The following NALF1 variants were observed in gnomAD, a reference collection of about 807,000 sequenced individuals.
NALF1 encodes NALCN channel auxiliary factor 1.
NALF1 carries 3 observed loss-of-function variants against 48.4 expected under a neutral mutation model. That is an observed-to-expected ratio of 0.06 (90% CI 0.03 to 0.16). NALF1 has a LOEUF of 0.16. Ranked by LOEUF, NALF1 falls within the 10% of genes least tolerant of loss-of-function variation. NALF1 has a pLI of 1.00. For synonymous variants in NALF1, 262 were observed against 245.7 expected (o/e 1.07, Z -0.62); for missense variants, 526 against 571.5 (o/e 0.92, Z 0.81).
At chr13:107,763,243 C>A (rs77738411) in intron 1 of NALF1, among the ~76,000 whole-genome samples, 7,582 of 151,756 alleles carry the variant, frequency 0.05, 291 homozygotes, top group African/African-American at 0.1. Flanking sequence ...AAGTGCTCTT[C>A]AACCTCCTCC....
At chr13:107,517,850 G>A (rs1225215482) in intron 1 of NALF1, among the ~76,000 whole-genome samples, 2 of 151,696 alleles carry the variant, frequency 1.3e-5, no homozygotes, top group Non-Finnish European at 2.9e-5. Flanking sequence ...AGCTACTCAG[G>A]GCTGAGGCGG....
chr13:107,483,868 T>G (rs1435735334), intron 1 of NALF1, among the ~76,000 whole-genome samples: 4 of 151,966 alleles, frequency 2.6e-5, no homozygotes. Flanking sequence ...ATAAATATAA[T>G]AGTTAAAAAA....
At chr13:107,672,782 A>G (rs1881020541) in intron 1 of NALF1, among the ~76,000 whole-genome samples, 1 of 152,146 alleles carries the variant, frequency 6.6e-6, no homozygotes, top group African/African-American at 2.4e-5. Context: ...GTGATTTTAA[A>G]TTATCTGAGG....
At chr13:107,399,472 T>C (rs1009238884) in intron 1 of NALF1, among the ~76,000 whole-genome samples, 5 of 138,896 alleles carry the variant, frequency 3.6e-5, no homozygotes, top group Non-Finnish European at 6.3e-5. Flanking sequence ...ACACACAGCA[T>C]AGAGGGAAGA....
chr13:107,603,830 C>T (rs559689037), intron 1 of NALF1, among the ~76,000 whole-genome samples: 1 of 152,200 alleles, frequency 6.6e-6, no homozygotes, highest in East Asian at 1.9e-4. Flanking sequence ...TTGCTTTTTG[C>T]ACGTTTAGAC....
chr13:107,323,309 T>C (rs1475521579), intron 1 of NALF1, among the ~76,000 whole-genome samples: 1 of 152,192 alleles, frequency 6.6e-6, no homozygotes. Flanking sequence ...CCACTCAGAT[T>C]TGAAGACACT....
At chr13:107,451,667 C>T (rs1884742409) in intron 1 of NALF1, among the ~76,000 whole-genome samples, 1 of 152,152 alleles carries the variant, frequency 6.6e-6, no homozygotes, top group Admixed American at 6.5e-5. Flanking sequence ...ATTTCCCTTT[C>T]CCAGAAAAAC....
chr13:107,229,290 A>G (rs994074494), intron 1 of NALF1, among the ~76,000 whole-genome samples: 2 of 152,106 alleles, frequency 1.3e-5, no homozygotes, highest in African/African-American at 4.8e-5. Flanking sequence ...ATCAATACCA[A>G]TCATGATGAT....
rs921762587 is a variant in NALF1 at position 107,362,916 on chromosome 13, A to G, written c.916-152161T>C. Reference sequence around the variant, plus strand: ...TAGGCTCATGATAAAGGTAGAAACTATCTTCTTATATCCCTTTTCATAGAA... The same window carrying G: ...TAGGCTCATGATAAAGGTAGAAACTGTCTTCTTATATCCCTTTTCATAGAA... On this transcript the variant is annotated intron_variant, in intron 1 of 2. Transcript: ENST00000375915. This position sits in a 1 kb window ranked among gnomAD's most constrained non-coding sequence, Gnocchi z 4.6. Among the ~76,000 whole-genome samples, 2 of 152,146 alleles carry G rather than the reference A, an allele frequency of 1.3e-5. No individual in the cohort carries two copies. The highest frequency in any genetic ancestry group is 4.8e-5 in the African/African-American group (2 of 41,442).
chr13:107,820,938 T>G (rs971327315), intron 1 of NALF1, among the ~76,000 whole-genome samples: 1 of 152,172 alleles, frequency 6.6e-6, no homozygotes, highest in Non-Finnish European at 1.5e-5. Context: ...CTCATATATG[T>G]GGACAAAATG....
At chr13:107,684,364 G>A (rs1234333081) in intron 1 of NALF1, among the ~76,000 whole-genome samples, 1 of 152,156 alleles carries the variant, frequency 6.6e-6, no homozygotes, top group African/African-American at 2.4e-5. Flanking sequence ...TTTGGCATTT[G>A]GCAGCTCCAC....
At chr13:107,726,057 ATC>A (rs2138531537) in intron 1 of NALF1, among the ~76,000 whole-genome samples, 1 of 152,256 alleles carries the variant, frequency 6.6e-6, no homozygotes, top group East Asian at 1.9e-4. Flanking sequence ...ATGTGGCCTC[ATC>A]TCTGTCTCTC....
chr13:107,734,407 A>ACAC (rs144033603), intron 1 of NALF1, among the ~76,000 whole-genome samples: 1,588 of 146,526 alleles, frequency 0.011, 14 homozygotes, highest in Middle Eastern at 0.069. Flanking sequence ...CCTTTAAAAA[A>ACAC]AAACACACAC....
intron 1 of NALF1, among the ~76,000 whole-genome samples, chr13:107,747,199 C>T (rs1365883567): frequency 2.0e-5 from 3 of 152,152 alleles, no homozygotes; most frequent in Admixed American, 6.6e-5. Flanking sequence ...CCATCTTGAG[C>T]CCTGTTTCCT....
chr13:107,575,245 A>G (rs919648205), intron 1 of NALF1, among the ~76,000 whole-genome samples: 4 of 152,146 alleles, frequency 2.6e-5, no homozygotes, highest in African/African-American at 9.7e-5. Flanking sequence ...AGTTCAGGGG[A>G]AAAAAACAGA....
intron 1 of NALF1, among the ~76,000 whole-genome samples, chr13:107,448,322 G>C (rs1884684099): frequency 6.6e-6 from 1 of 152,038 alleles, no homozygotes; most frequent in Non-Finnish European, 1.5e-5. Context: ...GAGATAATTT[G>C]AATTTTTAGC....
rs183868932 is a variant in NALF1, at chr13:107,846,433, C to G, written c.915+19249G>C. Reference sequence around the variant, plus strand: ...GAATGTTCATTAGTCAGGGAAACTTCGTCTATCCTGATTGATAGACCCACC... The same window carrying G: ...GAATGTTCATTAGTCAGGGAAACTTGGTCTATCCTGATTGATAGACCCACC... On this transcript the variant is annotated intron_variant, in intron 1 of 2. Coordinates refer to ENST00000375915, the MANE Select transcript of NALF1 (RefSeq NM_001080396.3). Among the ~76,000 whole-genome samples, 162 of 152,276 alleles carry G rather than the reference C, an allele frequency of 1.1e-3. 1 individual carries two copies. In the Middle Eastern group the frequency reaches 0.017, roughly 16 times the overall value.
intron 1 of NALF1, among the ~76,000 whole-genome samples, chr13:107,708,775 G>A (rs1387436476): frequency 6.6e-6 from 1 of 151,866 alleles, no homozygotes; most frequent in Non-Finnish European, 1.5e-5. Context: ...GGATGTGCAA[G>A]TTTGTTACAT....
At chr13:107,439,103 T>C (rs1046062173) in intron 1 of NALF1, among the ~76,000 whole-genome samples, 1 of 152,072 alleles carries the variant, frequency 6.6e-6, no homozygotes, top group Admixed American at 6.6e-5. Flanking sequence ...TTTTATATTA[T>C]ATATATTTAA....
Sources: gnomAD v4.1 joint callset for allele counts (sites outside exome capture counted in the v4.1 genomes callset) on GRCh38, gnomAD v4.1.1 for gene constraint, Gnocchi (gnomAD v3.1) non-coding constraint, MANE v1.5 for transcripts, NCBI Gene and HGNC (gene_info 2026-07-23, HGNC 2026-07-21) for gene names.